ADAMTS17: variants seen among roughly 807,000 people sequenced by gnomAD.
ADAMTS17 encodes A disintegrin and metalloproteinase with thrombospondin motifs 17.
Under a neutral mutation model 141.5 loss-of-function variants are expected in ADAMTS17, and 113 were observed. The ratio of observed to expected loss-of-function variants is 0.80; its 90% CI spans 0.69 to 0.93. The LOEUF is 0.93. ADAMTS17 is among the 40% of genes least tolerant of loss of function. The probability of loss-of-function intolerance (pLI) is 0.00; values close to 1 mark genes in which losing one functional copy is unlikely to be tolerated. For synonymous variants in ADAMTS17, 768 were observed against 630.6 expected (o/e 1.22, Z -3.27); for missense variants, 1,659 against 1,517.9 (o/e 1.09, Z -1.54).
intron 18 of ADAMTS17, among the ~76,000 whole-genome samples, chr15:100,011,370 GA>G (rs1449036420): frequency 2.3e-5 from 3 of 128,446 alleles, no homozygotes; most frequent in Non-Finnish European, 5.3e-5. Flanking sequence ...GGGAGAGAAG[GA>G]AAGGCAGTAA....
At position 100,096,252 on chromosome 15, in the gene ADAMTS17, C is replaced by G. The variant is rs762371104; in HGVS notation, c.2137+104G>C. 110 of 1,579,326 alleles carry G rather than the reference C, an allele frequency of 7.0e-5. 1 individual carries two copies. The highest frequency in any genetic ancestry group is 9.4e-5 in the Non-Finnish European group (109 of 1,163,820). The stretch of plus-strand genomic sequence containing the variant: ...AAGTTCCAGGTCACCTATCCACTAC[C>G]ATCTAGCCCTTAAATATGAAATGTA... On this transcript the variant is annotated intron_variant, in intron 15 of 21. Coordinates refer to ENST00000268070, the MANE Select transcript of ADAMTS17 (RefSeq NM_139057.4).
chr15:100,087,115 CAGAGA>C (rs1270904795), intron 15 of ADAMTS17, among the ~76,000 whole-genome samples: 3 of 151,958 alleles, frequency 2.0e-5, no homozygotes, highest in Non-Finnish European at 4.4e-5. Flanking sequence ...AAGAAGAAAA[CAGAGA>C]AGAATCAAAT....
intron 12 of ADAMTS17, among the ~76,000 whole-genome samples, chr15:100,123,904 G>C (rs972122897): frequency 6.6e-6 from 1 of 152,192 alleles, no homozygotes; most frequent in East Asian, 1.9e-4. Context: ...ACCAGTCATC[G>C]GGGTGTGATG....
At chr15:100,022,018 G>C (rs1212608842) in intron 18 of ADAMTS17, among the ~76,000 whole-genome samples, 1 of 152,108 alleles carries the variant, frequency 6.6e-6, no homozygotes. Context: ...GCTATGGCTT[G>C]GGTGCTCCTA....
intron 3 of ADAMTS17, among the ~76,000 whole-genome samples, chr15:100,322,572 C>T (rs974077510): frequency 6.6e-6 from 1 of 152,072 alleles, no homozygotes; most frequent in African/African-American, 2.4e-5. Flanking sequence ...AAATGTGACC[C>T]CTTTTTAAGA....
At chr15:100,178,152 T>G (rs1001176790) in intron 8 of ADAMTS17, among the ~76,000 whole-genome samples, 2 of 152,316 alleles carry the variant, frequency 1.3e-5, no homozygotes, top group African/African-American at 4.8e-5. Flanking sequence ...CTGAAGTATT[T>G]TTTTAGATCA....
At chr15:100,224,153 C>T (rs551222443) in intron 7 of ADAMTS17, among the ~76,000 whole-genome samples, 143 of 152,326 alleles carry the variant, frequency 9.4e-4, no homozygotes, top group African/African-American at 2.9e-3. Flanking sequence ...CACACAGACA[C>T]ACCCAGGATT....
intron 8 of ADAMTS17, among the ~76,000 whole-genome samples, chr15:100,178,379 T>C (rs2040411121): frequency 1.3e-5 from 2 of 152,188 alleles, no homozygotes; most frequent in South Asian, 4.1e-4. Context: ...CAACTGGTGT[T>C]GACATTTCAC....
chr15:100,132,220 C>T, intron 11 of ADAMTS17, 68 bp from the exon 12 acceptor site: 2 of 1,568,960 alleles, frequency 1.3e-6, no homozygotes, highest in Non-Finnish European at 1.7e-6. Flanking sequence ...CCCGCCAGGC[C>T]CCAAAATGCC....
intron 14 of ADAMTS17, among the ~76,000 whole-genome samples, chr15:100,107,251 G>A (rs560525762): frequency 2.0e-5 from 3 of 152,240 alleles, no homozygotes; most frequent in South Asian, 2.1e-4. Flanking sequence ...ACTCTGCTAG[G>A]CACTGAGCAA....
At chr15:100,094,923 T>C (rs1596405749) in intron 15 of ADAMTS17, among the ~76,000 whole-genome samples, 3 of 152,180 alleles carry the variant, frequency 2.0e-5, no homozygotes, top group African/African-American at 4.8e-5. Flanking sequence ...TGCTGTCCAA[T>C]AGAACCTTCT....
chr15:100,110,325 C>T (rs1052479316), intron 13 of ADAMTS17, among the ~76,000 whole-genome samples: 91 of 149,838 alleles, frequency 6.1e-4, no homozygotes, highest in African/African-American at 1.4e-3. Context: ...AGTGCAGTGG[C>T]GCGATCTCAG....
chr15:100,089,005 G>C (rs199848547), intron 15 of ADAMTS17, among the ~76,000 whole-genome samples: 2 of 149,962 alleles, frequency 1.3e-5, no homozygotes, highest in African/African-American at 4.9e-5. Flanking sequence ...TAATTCAACT[G>C]AAGAGCTTCT....
Position 99,995,602 on chromosome 15 carries a change from G to A in ADAMTS17, c.2796+1783C>T, listed in dbSNP as rs563354106. On this transcript the variant is annotated intron_variant, in intron 19 of 21. Transcript: ENST00000268070. ...ATTTGATCCTTCTTCTAATAAAGTCGGGAAGAAGCTGGGGAGTAGGTAGTG... is the reference window on the plus strand; with the variant it reads ...ATTTGATCCTTCTTCTAATAAAGTCAGGAAGAAGCTGGGGAGTAGGTAGTG... 1.2e-4 allele frequency among the ~76,000 whole-genome samples: 18 copies of A among 152,270 alleles called. 1 individual carries two copies. Among genetic ancestry groups the A allele is most frequent in the African/African-American group, 2.4e-4 (10 of 41,540 alleles).
intron 10 of ADAMTS17, among the ~76,000 whole-genome samples, chr15:100,143,696 A>G (rs931153): frequency 1 from 151,565 of 152,316 alleles, 75,415 homozygotes; most frequent in East Asian, 1. Flanking sequence ...ATAGTGTGGG[A>G]GCCTCCAGAG....
chr15:100,156,297 C>G lies in ADAMTS17; in HGVS notation c.1182-977G>C, dbSNP rs538941593. ...TTCCGTCAGCAACCCTGCTTGTTGC[C>G]TAATGGTGGTGTCTCCCCAAAAGAA... is the stretch of plus-strand genomic sequence containing the variant. On this transcript the variant is annotated intron_variant, in intron 8 of 21. Transcript: ENST00000268070. Among the ~76,000 whole-genome samples, 15 of 152,296 alleles carry G rather than the reference C, an allele frequency of 9.8e-5. No individual in the cohort carries two copies. In the South Asian group the frequency reaches 3.1e-3, roughly 32 times the overall value.
At chr15:100,180,545 C>G (rs1284726415) in intron 8 of ADAMTS17, among the ~76,000 whole-genome samples, 1 of 151,884 alleles carries the variant, frequency 6.6e-6, no homozygotes, top group Non-Finnish European at 1.5e-5. Flanking sequence ...TTTTTTCTAT[C>G]TCTGTGAAGA....
At chr15:100,304,384 T>C (rs998910037) in intron 3 of ADAMTS17, among the ~76,000 whole-genome samples, 1 of 152,220 alleles carries the variant, frequency 6.6e-6, no homozygotes, top group African/African-American at 2.4e-5. Flanking sequence ...TTTAACCTTA[T>C]AATTCGCAAA....
intron 7 of ADAMTS17, among the ~76,000 whole-genome samples, chr15:100,239,267 G>C (rs1005608244): frequency 3.9e-5 from 6 of 152,232 alleles, no homozygotes; most frequent in African/African-American, 1.4e-4. Flanking sequence ...CTGTTGTGCA[G>C]ATTAAATGAC....
Sources: allele counts gnomAD v4.1 joint callset (sites outside exome capture counted in the v4.1 genomes callset), GRCh38; gene constraint gnomAD v4.1.1; transcripts MANE v1.5; gene names NCBI Gene and HGNC (gene_info 2026-07-23, HGNC 2026-07-21).